GRID1: variants seen among roughly 807,000 people sequenced by gnomAD.
GRID1 encodes glutamate receptor ionotropic, delta-1.
GRID1 carries 28 observed loss-of-function variants against 98.0 expected under a neutral mutation model. That is an observed-to-expected ratio of 0.29 (90% CI 0.21 to 0.39). The LOEUF (loss-of-function observed/expected upper bound fraction) is 0.39, where lower values mean the gene tolerates loss of function less well. Ranked by LOEUF, GRID1 falls within the 10% of genes least tolerant of loss-of-function variation. The pLI is 1.00. For synonymous variants in GRID1, 553 were observed against 538.5 expected (o/e 1.03, Z -0.37); for missense variants, 1,111 against 1,340.5 (o/e 0.83, Z 2.67).
At chr10:85,775,276 T>C (rs532568885) in intron 8 of GRID1, among the ~76,000 whole-genome samples, 3 of 130,662 alleles carry the variant, frequency 2.3e-5, no homozygotes, top group African/African-American at 9.0e-5. Context: ...AATTGAACAA[T>C]GAGAACACAT....
chr10:86,189,890 G>A (rs558159089), intron 3 of GRID1, among the ~76,000 whole-genome samples: 2 of 152,162 alleles, frequency 1.3e-5, no homozygotes, highest in South Asian at 2.1e-4. Flanking sequence ...TCCTAACATG[G>A]CTTTCCAGGC....
At chr10:85,982,868 G>A (rs1842562839) in intron 4 of GRID1, among the ~76,000 whole-genome samples, 1 of 152,038 alleles carries the variant, frequency 6.6e-6, no homozygotes, top group South Asian at 2.1e-4. Flanking sequence ...TCTCAGCAAG[G>A]GCAACCCACA....
intron 4 of GRID1, among the ~76,000 whole-genome samples, chr10:85,925,885 A>G (rs952583376): frequency 6.6e-6 from 1 of 152,238 alleles, no homozygotes; most frequent in African/African-American, 2.4e-5. Flanking sequence ...ACTTCTGCAC[A>G]TGAATCAAAT....
intron 2 of GRID1, among the ~76,000 whole-genome samples, chr10:86,253,198 C>T (rs745439426): frequency 2.6e-5 from 4 of 152,206 alleles, no homozygotes; most frequent in African/African-American, 7.2e-5. Context: ...CTGTCTTTTC[C>T]CCTAAGATCA....
At chr10:86,066,438 A>C (rs559924687) in intron 4 of GRID1, among the ~76,000 whole-genome samples, 2 of 152,148 alleles carry the variant, frequency 1.3e-5, no homozygotes, top group African/African-American at 4.8e-5. Context: ...GCCCTAAGAG[A>C]GGACACTCAT....
At chr10:86,359,187 T>C (rs970941200) in intron 2 of GRID1, among the ~76,000 whole-genome samples, 2 of 152,094 alleles carry the variant, frequency 1.3e-5, no homozygotes, top group African/African-American at 4.8e-5. Context: ...GAATAAGGGG[T>C]CTACAGGCAT....
intron 4 of GRID1, among the ~76,000 whole-genome samples, chr10:85,999,608 A>C (rs1842781284): frequency 6.6e-6 from 1 of 152,238 alleles, no homozygotes; most frequent in East Asian, 1.9e-4. Context: ...TATGTTGAAA[A>C]ATTAATATGT....
chr10:86,307,563 C>T (rs1847775703), intron 2 of GRID1, among the ~76,000 whole-genome samples: 1 of 151,920 alleles, frequency 6.6e-6, no homozygotes, highest in Non-Finnish European at 1.5e-5. Context: ...AGATTTTGGC[C>T]AAAAGGTACA....
intron 4 of GRID1, among the ~76,000 whole-genome samples, chr10:85,951,799 A>G (rs901233620): frequency 4.6e-5 from 7 of 152,260 alleles, no homozygotes; most frequent in African/African-American, 1.7e-4. Context: ...CCCTGGAGTA[A>G]TCAAAGCCCA....
intron 8 of GRID1, among the ~76,000 whole-genome samples, chr10:85,739,517 C>T (rs1035358023): frequency 6.6e-6 from 1 of 152,102 alleles, no homozygotes; most frequent in African/African-American, 2.4e-5. Flanking sequence ...CCCAGGAGTT[C>T]CAGTCTGCAG....
chr10:85,766,676 T>G (rs1048985441), intron 8 of GRID1, among the ~76,000 whole-genome samples: 2 of 150,430 alleles, frequency 1.3e-5, no homozygotes, highest in Non-Finnish European at 2.9e-5. Flanking sequence ...GATCAAAGAG[T>G]AGCCAAAAAT....
intron 13 of GRID1, among the ~76,000 whole-genome samples, chr10:85,641,550 G>A (rs914395080): frequency 2.0e-5 from 3 of 152,204 alleles, no homozygotes; most frequent in South Asian, 2.1e-4. Context: ...GAAGAGGCAC[G>A]AGTGGAATGA....
At chr10:85,721,678 G>T (rs1451665788) in intron 12 of GRID1, among the ~76,000 whole-genome samples, 1 of 152,216 alleles carries the variant, frequency 6.6e-6, no homozygotes, top group Admixed American at 6.5e-5. Flanking sequence ...GGTTGCCAGA[G>T]TTGGGGACAG....
intron 4 of GRID1, among the ~76,000 whole-genome samples, chr10:86,039,433 C>T (rs1268746771): frequency 6.6e-6 from 1 of 152,218 alleles, no homozygotes; most frequent in Non-Finnish European, 1.5e-5. Context: ...CACTTGCTCC[C>T]TTTCCCCATG....
intron 12 of GRID1, among the ~76,000 whole-genome samples, chr10:85,649,589 C>A (rs1350316116): frequency 4.6e-5 from 7 of 151,970 alleles, no homozygotes; most frequent in Non-Finnish European, 1.0e-4. Flanking sequence ...ACAGTTGAGT[C>A]TAAATACTGA....
intron 12 of GRID1, among the ~76,000 whole-genome samples, chr10:85,660,454 T>C (rs1840952614): frequency 6.6e-6 from 1 of 152,156 alleles, no homozygotes; most frequent in East Asian, 1.9e-4. Flanking sequence ...TCTGGGGATA[T>C]CCAAACATAT....
At chr10:86,337,020 GTT>G (rs58117114) in intron 2 of GRID1, among the ~76,000 whole-genome samples, 1,904 of 146,758 alleles carry the variant, frequency 0.013, 42 homozygotes, top group African/African-American at 0.044. Flanking sequence ...GTTTTTTGCA[GTT>G]TTTTTTTTTT....
At chr10:86,107,183 G>A (rs1292181577) in intron 4 of GRID1, among the ~76,000 whole-genome samples, 1 of 152,218 alleles carries the variant, frequency 6.6e-6, no homozygotes, top group African/African-American at 2.4e-5. Context: ...TGCCTTAGGT[G>A]GCACCACGGC....
chr10:86,189,875 T>C (rs77578102), intron 3 of GRID1, among the ~76,000 whole-genome samples: 5,785 of 152,090 alleles, frequency 0.038, 171 homozygotes, highest in African/African-American at 0.076. Flanking sequence ...AGGACAAAGG[T>C]CAACTCCTAA....
Sources: gnomAD v4.1 joint callset for allele counts (sites outside exome capture counted in the v4.1 genomes callset) on GRCh38, gnomAD v4.1.1 for gene constraint, MANE v1.5 for transcripts, NCBI Gene and HGNC (gene_info 2026-07-23, HGNC 2026-07-21) for gene names.